RPS6KC1: variants seen among roughly 807,000 people sequenced by gnomAD.
RPS6KC1 encodes inactive ribosomal protein S6 kinase delta-1.
In RPS6KC1, 54 loss-of-function variants were observed where a neutral mutation model predicts 103.8. The observed-to-expected ratio is 0.52, with a 90% CI of 0.42 to 0.65. The LOEUF (loss-of-function observed/expected upper bound fraction) is 0.65. RPS6KC1 is among the 30% of genes least tolerant of loss of function. RPS6KC1 has a pLI of 0.00. For missense variants in RPS6KC1, 1,151 were observed against 1,253.8 expected, an observed-to-expected ratio of 0.92 and a Z score of 1.24; for synonymous variants, 439 against 438.7, an observed-to-expected ratio of 1.00 and a Z score of -0.01.
At chr1:213,161,419 C>T (rs539831329) in intron 6 of RPS6KC1, among the ~76,000 whole-genome samples, 1 of 152,112 alleles carries the variant, frequency 6.6e-6, no homozygotes, top group Non-Finnish European at 1.5e-5. Flanking sequence ...CTCCCAGGTT[C>T]AAATGATTCT....
chr1:213,208,317 G>T (rs980186075), intron 8 of RPS6KC1, among the ~76,000 whole-genome samples: 1 of 151,992 alleles, frequency 6.6e-6, no homozygotes, highest in Non-Finnish European at 1.5e-5. Flanking sequence ...TTGTTATTCT[G>T]GGAATCTCTT....
intron 6 of RPS6KC1, among the ~76,000 whole-genome samples, chr1:213,144,741 C>T (rs922828597): frequency 6.6e-6 from 1 of 151,894 alleles, no homozygotes; most frequent in African/African-American, 2.4e-5. Context: ...AATATCATAT[C>T]AACACATATG....
the RPS6KC1 span, among the ~76,000 whole-genome samples, chr1:213,811,873 T>C: frequency 1.3e-5 from 2 of 152,248 alleles, no homozygotes; most frequent in Non-Finnish European, 1.5e-5. Context: ...TAAACAGTTA[T>C]GTCATATCGA....
the RPS6KC1 span, among the ~76,000 whole-genome samples, chr1:213,529,790 A>G: frequency 6.6e-6 from 1 of 152,180 alleles, no homozygotes; most frequent in Non-Finnish European, 1.5e-5. Flanking sequence ...GATCCCTGGC[A>G]TGGGACTCAC....
At chr1:213,855,171 C>T in the RPS6KC1 span, among the ~76,000 whole-genome samples, 78 of 152,354 alleles carry the variant, frequency 5.1e-4, no homozygotes, top group South Asian at 0.016. Context: ...AGGGCTTCAA[C>T]ATATGAATTT....
chr1:213,090,372 T>G (rs548380266), intron 3 of RPS6KC1, among the ~76,000 whole-genome samples: 2 of 152,320 alleles, frequency 1.3e-5, no homozygotes, highest in Admixed American at 1.3e-4. Context: ...TTTGGTGTTA[T>G]GAATGTATCT....
chr1:213,736,854 C>A, the RPS6KC1 span, among the ~76,000 whole-genome samples: 5 of 152,316 alleles, frequency 3.3e-5, no homozygotes, highest in South Asian at 2.1e-4. Context: ...AGATAACATA[C>A]CTTCTTTAAT....
rs545526147 is a variant in RPS6KC1, at chr1:213,186,797, A to G, written c.1044+10305A>G. 7.2e-5 allele frequency among the ~76,000 whole-genome samples: 11 copies of G among 152,224 alleles called. 1 individual carries two copies. The South Asian group carries it at 2.3e-3, about 32-fold the overall frequency. On this transcript the variant is annotated intron_variant, in intron 8 of 14. Coordinates refer to ENST00000366960, the MANE Select transcript of RPS6KC1 (RefSeq NM_012424.6). The stretch of plus-strand genomic sequence containing the variant: ...TTCTCTTCTGATCATGTATTTTCAG[A>G]TAGCCAGTCTTTGAGCTTTCCAGTT...
chr1:213,131,843 A>G (rs2149011585), intron 6 of RPS6KC1, among the ~76,000 whole-genome samples: 1 of 152,230 alleles, frequency 6.6e-6, no homozygotes, highest in South Asian at 2.1e-4. Flanking sequence ...GGGAGTTTAA[A>G]ATGGGTATGA....
chr1:213,725,398 C>A, the RPS6KC1 span, among the ~76,000 whole-genome samples: 115 of 152,344 alleles, frequency 7.5e-4, no homozygotes, highest in Middle Eastern at 3.4e-3. Context: ...CACATCCTCC[C>A]CGTGCTCTCA....
the RPS6KC1 span, among the ~76,000 whole-genome samples, chr1:213,651,729 C>T: frequency 6.6e-6 from 1 of 152,188 alleles, no homozygotes; most frequent in African/African-American, 2.4e-5. Flanking sequence ...CTGTTCCTTT[C>T]TATTGCTTCC....
intron 6 of RPS6KC1, among the ~76,000 whole-genome samples, chr1:213,156,605 A>G (rs557150052): frequency 6.6e-6 from 1 of 152,372 alleles, no homozygotes; most frequent in East Asian, 1.9e-4. Context: ...AAGAAAAAAG[A>G]CAATTCATGT....
chr1:213,618,409 G>A, the RPS6KC1 span, among the ~76,000 whole-genome samples: 418 of 152,324 alleles, frequency 2.7e-3, 4 homozygotes, highest in African/African-American at 9.8e-3. Flanking sequence ...TCAGGGGTCA[G>A]ACACCTGGGT....
At chr1:213,862,225 G>T in the RPS6KC1 span, among the ~76,000 whole-genome samples, 1 of 152,200 alleles carries the variant, frequency 6.6e-6, no homozygotes, top group Admixed American at 6.5e-5. Context: ...CTGCATTAGC[G>T]TGGAAATGAA....
At chr1:213,836,379 T>C in the RPS6KC1 span, among the ~76,000 whole-genome samples, 4 of 152,056 alleles carry the variant, frequency 2.6e-5, no homozygotes, top group African/African-American at 4.8e-5. Flanking sequence ...TGGAAGAATA[T>C]CTATGTGAAA....
chr1:213,507,022 A>C, the RPS6KC1 span, among the ~76,000 whole-genome samples: 3 of 152,130 alleles, frequency 2.0e-5, no homozygotes, highest in Admixed American at 2.0e-4. Context: ...ATTCCAGGAG[A>C]GAGTGTTCTG....
the RPS6KC1 span, among the ~76,000 whole-genome samples, chr1:213,430,757 A>G: frequency 2.0e-5 from 3 of 152,378 alleles, no homozygotes; most frequent in East Asian, 5.8e-4. Context: ...ATGTCAAGCA[A>G]CAATTCACAA....
At chr1:213,249,525 AGAGAGAGCGCAAGCAAGC>A (rs1352594547) in intron 12 of RPS6KC1, among the ~76,000 whole-genome samples, 1 of 152,228 alleles carries the variant, frequency 6.6e-6, no homozygotes, top group Non-Finnish European at 1.5e-5. Context: ...AGAGCGGCAG[AGAGAGAGCGCAAGCAAGC>A]GAGAGAGCTA....
the RPS6KC1 span, among the ~76,000 whole-genome samples, chr1:213,401,694 G>A: frequency 1.3e-5 from 2 of 152,186 alleles, no homozygotes; most frequent in Non-Finnish European, 2.9e-5. Context: ...TTACAGCTGC[G>A]ATGGCATCCC....
Sources: allele counts gnomAD v4.1 joint callset (sites outside exome capture counted in the v4.1 genomes callset), GRCh38; gene constraint gnomAD v4.1.1; transcripts MANE v1.5; gene names NCBI Gene and HGNC (gene_info 2026-07-23, HGNC 2026-07-21).